HIPK3: variants seen among roughly 807,000 people sequenced by gnomAD.
HIPK3 encodes homeodomain interacting protein kinase 3.
Under a neutral mutation model 124.2 loss-of-function variants are expected in HIPK3, and 47 were observed. That is an observed-to-expected ratio of 0.38 (90% CI 0.30 to 0.48). HIPK3 has a LOEUF of 0.48. Ranked by LOEUF, HIPK3 falls within the 20% of genes least tolerant of loss-of-function variation. HIPK3 has a pLI of 0.98. For missense variants in HIPK3, 1,286 were observed against 1,454.3 expected, an observed-to-expected ratio of 0.88 and a Z score of 1.88; for synonymous variants, 482 against 515.2, an observed-to-expected ratio of 0.94 and a Z score of 0.87.
rs1258336293 is a variant in HIPK3, at chr11:33,300,329, CAA to C, written c.1097+12819_1097+12820del. 1.4e-3 allele frequency among the ~76,000 whole-genome samples: 214 copies of C among 149,714 alleles called. 2 individuals carry two copies. The highest frequency in any genetic ancestry group is 4.9e-3 in the African/African-American group (201 of 40,660). Reference sequence around the variant, plus strand: ...TGCCAGTGCACTCCAGCCTGGGTGACAAGAGCAAGACTCCATCGCAAAAAAAA... The same window carrying C: ...TGCCAGTGCACTCCAGCCTGGGTGACGAGCAAGACTCCATCGCAAAAAAAA... On this transcript the variant is annotated intron_variant, in intron 2 of 16. Transcript: ENST00000303296.
intron 2 of HIPK3, among the ~76,000 whole-genome samples, chr11:33,298,881 G>T (rs1590373200): frequency 6.6e-6 from 1 of 152,160 alleles, no homozygotes; most frequent in African/African-American, 2.4e-5. Flanking sequence ...GATGGAGTCT[G>T]TGTTGCCCAG....
intron 7 of HIPK3, 143 bp downstream of exon 7, chr11:33,341,270 TTAAAATTCC>T: frequency 1.6e-6 from 1 of 613,946 alleles, no homozygotes; most frequent in Non-Finnish European, 2.7e-6. Flanking sequence ...ACCAAATCTC[TTAAAATTCC>T]AAGGTAATAA....
At chr11:33,351,334 C>G (rs184379485) in intron 14 of HIPK3, among the ~76,000 whole-genome samples, 2 of 151,074 alleles carry the variant, frequency 1.3e-5, no homozygotes, top group Non-Finnish European at 2.9e-5. Flanking sequence ...TGAGCTGCTA[C>G]TAAGGATCAA....
At chr11:33,274,016 A>G (rs1051346258) in intron 1 of HIPK3, among the ~76,000 whole-genome samples, 1 of 152,192 alleles carries the variant, frequency 6.6e-6, no homozygotes, top group African/African-American at 2.4e-5. Context: ...AGGTGTGAAT[A>G]TAGTGATGAG....
chr11:33,278,439 G>A (rs999867570), intron 1 of HIPK3, among the ~76,000 whole-genome samples: 4 of 152,060 alleles, frequency 2.6e-5, no homozygotes, highest in Admixed American at 6.6e-5. Flanking sequence ...AGATAAGGGA[G>A]GAAAGAGAAA....
chr11:33,278,012 A>T (rs1851315809), intron 1 of HIPK3, among the ~76,000 whole-genome samples: 1 of 152,148 alleles, frequency 6.6e-6, no homozygotes, highest in East Asian at 1.9e-4. Context: ...TCAGTGGCTT[A>T]TCTTTATTTC....
intron 1 of HIPK3, among the ~76,000 whole-genome samples, chr11:33,259,188 C>T (rs1257801316): frequency 1.3e-5 from 2 of 152,242 alleles, no homozygotes; most frequent in East Asian, 1.9e-4. Context: ...GTTTTAGTTG[C>T]TGGGCTCTTT....
intron 1 of HIPK3, among the ~76,000 whole-genome samples, chr11:33,264,659 A>C (rs912463730): frequency 1.3e-5 from 2 of 152,200 alleles, no homozygotes; most frequent in African/African-American, 4.8e-5. Flanking sequence ...TTACTGTGGA[A>C]ATTTTAGAAA....
At chr11:33,285,850 C>T (rs1299665697) in intron 1 of HIPK3, among the ~76,000 whole-genome samples, 1 of 152,006 alleles carries the variant, frequency 6.6e-6, no homozygotes, top group Non-Finnish European at 1.5e-5. Flanking sequence ...CGGCTCACTG[C>T]AACCTCCACC....
intron 1 of HIPK3, among the ~76,000 whole-genome samples, chr11:33,272,442 G>A (rs565064855): frequency 1.3e-5 from 2 of 152,022 alleles, no homozygotes; most frequent in Admixed American, 6.6e-5. Context: ...TTCTTTGTGG[G>A]TACTGTCTTG....
chr11:33,348,538 A>T lies in HIPK3; in HGVS notation c.2386A>T (p.Asn796Tyr), dbSNP rs1590193746. The T allele has an allele frequency of 1.2e-6, 2 of 1,610,742 alleles. No homozygotes were observed. Among genetic ancestry groups the T allele is most frequent in the Non-Finnish European group, 1.7e-6 (2 of 1,177,066 alleles). The change falls in exon 13 of 17, where the codon AAT becomes TAT. Residue 796 changes from asparagine to tyrosine, a missense_variant. Transcript: ENST00000303296. ...TGGTTGCAGGAGTAATTCATTACAG[A>T]ATACCAATATCCCACATTCAGCATT... The part of the protein sequence containing the change: ...NAFSWSNSLQ[N>Y]TNIPHSAFIS...
chr11:33,306,422 A>G (rs1460760432), intron 2 of HIPK3, among the ~76,000 whole-genome samples: 14 of 152,152 alleles, frequency 9.2e-5, no homozygotes, highest in Admixed American at 9.2e-4. Context: ...TATGACAGAA[A>G]TATGTGTTTA....
rs1489217832 is a variant in HIPK3, at chr11:33,287,341, A to G, written c.927A>G (p.Ala309=). 2.5e-6 allele frequency: 4 copies of G among 1,614,216 alleles called. No homozygotes were observed. Among genetic ancestry groups the G allele is most frequent in the South Asian group, 1.1e-5 (1 of 91,088 alleles). The change falls in exon 2 of 17, where the codon GCA becomes GCG. Residue 309 remains alanine (A), a synonymous_variant. Coordinates refer to ENST00000303296, the MANE Select transcript of HIPK3 (RefSeq NM_005734.5). ...IRPILQQVAT[A]LKKLKSLGLI... is the part of the protein sequence containing the mutation. ...CCATTCTTCAACAAGTGGCCACTGCACTGAAAAAATTGAAAAGTCTTGGTT... is the reference window on the plus strand; with the variant it reads ...CCATTCTTCAACAAGTGGCCACTGCGCTGAAAAAATTGAAAAGTCTTGGTT...
chr11:33,335,394 C>T (rs1196791781), intron 3 of HIPK3, among the ~76,000 whole-genome samples: 2 of 152,074 alleles, frequency 1.3e-5, no homozygotes, highest in Non-Finnish European at 2.9e-5. Context: ...AAAAGCATGG[C>T]GTCGTGGAAA....
upstream of HIPK3, chr11:33,257,297 A>G (rs1003668107): frequency 1.7e-4 from 164 of 983,014 alleles, no homozygotes; most frequent in Middle Eastern, 9.4e-3. Flanking sequence ...CTGGGCGCGC[A>G]GCGCTGCCGG....
At position 33,299,463 on chromosome 11, in the gene HIPK3, A is replaced by T. The variant is rs72917472; in HGVS notation, c.1097+11952A>T. ...ATTCCAGCCTGGGCTGCAGAACGAG[A>T]CTCTGTCTCAAAAAAAAAAGAAAAG... On this transcript the variant is annotated intron_variant, in intron 2 of 16. Coordinates refer to ENST00000303296, the MANE Select transcript of HIPK3 (RefSeq NM_005734.5). Among the ~76,000 whole-genome samples, 506 of 150,972 alleles carry T rather than the reference A, an allele frequency of 3.4e-3. 1 individual carries two copies. Among genetic ancestry groups the T allele is most frequent in the Non-Finnish European group, 5.8e-3 (392 of 67,708 alleles).
At chr11:33,304,540 G>A (rs1327161990) in intron 2 of HIPK3, among the ~76,000 whole-genome samples, 4 of 151,020 alleles carry the variant, frequency 2.6e-5, no homozygotes, top group Non-Finnish European at 5.9e-5. Context: ...CTGGGCAACA[G>A]GAGCAAAACT....
intron 2 of HIPK3, 39 bp downstream of exon 2, chr11:33,287,550 G>A (rs750276230): frequency 3.2e-6 from 5 of 1,563,462 alleles, no homozygotes; most frequent in African/African-American, 1.4e-5. Flanking sequence ...GTTTATTAAT[G>A]TGAAATTTCT....
intron 1 of HIPK3, among the ~76,000 whole-genome samples, chr11:33,278,858 A>G (rs935761555): frequency 6.6e-6 from 1 of 152,224 alleles, no homozygotes; most frequent in Non-Finnish European, 1.5e-5. Context: ...AAGGAAAAAA[A>G]AAATGATTTA....
Sources: allele counts gnomAD v4.1 joint callset (sites outside exome capture counted in the v4.1 genomes callset), GRCh38; gene constraint gnomAD v4.1.1; transcripts MANE v1.5; gene names NCBI Gene and HGNC (gene_info 2026-07-23, HGNC 2026-07-21).